AP4S1: variants seen among roughly 807,000 people sequenced by gnomAD.
AP4S1 encodes the protein adaptor related protein complex 4 subunit sigma 1, also known as AP-4 complex subunit sigma-1.
AP4S1 carries 23 observed loss-of-function variants against 19.8 expected under a neutral mutation model. The ratio of observed to expected loss-of-function variants is 1.16; its 90% CI spans 0.84 to 1.65. AP4S1 has a LOEUF of 1.65. Among genes scored for constraint, AP4S1 ranks in the 40% most tolerant of loss-of-function variants. The pLI is 0.00. For synonymous variants in AP4S1, 46 were observed against 54.1 expected (o/e 0.85, Z 0.66); for missense variants, 166 against 172.8 (o/e 0.96, Z 0.22).
intron 1 of AP4S1, among the ~76,000 whole-genome samples, chr14:31,046,673 G>A (rs997730213): frequency 2.6e-5 from 4 of 151,978 alleles, no homozygotes; most frequent in Admixed American, 6.6e-5. Flanking sequence ...GTGAAACCCC[G>A]TCGCTACTAA....
chr14:31,065,955 C>T (rs933368976), intron 1 of AP4S1, among the ~76,000 whole-genome samples, 171 bp from the exon 2 acceptor site: 10 of 152,254 alleles, frequency 6.6e-5, no homozygotes, highest in South Asian at 2.1e-4. Context: ...CCACCACACC[C>T]GGCCTGGTTT....
At chr14:31,072,778 C>T (rs1887084984) in intron 3 of AP4S1, 127 bp from the exon 4 acceptor site, 2 of 745,898 alleles carry the variant, frequency 2.7e-6, no homozygotes, top group South Asian at 3.0e-5. Flanking sequence ...TGGGAGGCTA[C>T]TTTCCTCACA....
At chr14:31,026,568 G>T (rs115757756) in intron 1 of AP4S1, 2,902 of 180,654 alleles carry the variant, frequency 0.016, 81 homozygotes, top group African/African-American at 0.064. Flanking sequence ...AACGCAGCCC[G>T]GGTCGCCGTT....
At chr14:31,034,344 ATTAT>A (rs1884590766) in intron 1 of AP4S1, among the ~76,000 whole-genome samples, 1 of 152,222 alleles carries the variant, frequency 6.6e-6, no homozygotes, top group Non-Finnish European at 1.5e-5. Flanking sequence ...AGACTGAAGA[ATTAT>A]TTATAGGCAT....
intron 5 of AP4S1, chr14:31,084,843 A>G (rs760944682): frequency 1.9e-6 from 3 of 1,614,238 alleles, no homozygotes; most frequent in South Asian, 2.2e-5. Flanking sequence ...CAGACAGTTC[A>G]TCATTCAAAG....
chr14:31,089,501 T>G (rs1055794558), intron 5 of AP4S1, among the ~76,000 whole-genome samples: 5 of 152,258 alleles, frequency 3.3e-5, no homozygotes, highest in African/African-American at 1.2e-4. Context: ...TGGAATTCCT[T>G]TTGAGGTTCC....
intron 5 of AP4S1, among the ~76,000 whole-genome samples, chr14:31,082,406 A>G (rs1038995726): frequency 1.1e-4 from 17 of 152,212 alleles, no homozygotes; most frequent in African/African-American, 4.1e-4. Flanking sequence ...TTCAAAATAA[A>G]TCTCTTCCTA....
At chr14:31,088,923 G>A (rs1470376404) in intron 5 of AP4S1, among the ~76,000 whole-genome samples, 2 of 151,672 alleles carry the variant, frequency 1.3e-5, no homozygotes, top group Admixed American at 1.3e-4. Context: ...TTGTGAGGCC[G>A]AGAAAGGCAA....
At chr14:31,083,566 G>A (rs979146376) in intron 5 of AP4S1, 34 of 443,366 alleles carry the variant, frequency 7.7e-5, no homozygotes, top group African/African-American at 7.2e-4. Context: ...GTGCAGAGGT[G>A]CGATCATGGC....
chr14:31,048,528 A>G (rs1160753806), intron 1 of AP4S1, among the ~76,000 whole-genome samples: 1 of 151,922 alleles, frequency 6.6e-6, no homozygotes, highest in Non-Finnish European at 1.5e-5. Context: ...GAAGTTAGAG[A>G]CCTGCCTGGA....
At chr14:31,049,429 AT>A (rs1240139993) in intron 1 of AP4S1, among the ~76,000 whole-genome samples, 4,628 of 35,534 alleles carry the variant, frequency 0.13, 311 homozygotes, top group African/African-American at 0.21. Context: ...AAAAAAAAAA[AT>A]ATATATATAT....
intron 1 of AP4S1, among the ~76,000 whole-genome samples, chr14:31,040,169 T>C (rs1021746824): frequency 8.3e-6 from 1 of 121,074 alleles, no homozygotes; most frequent in African/African-American, 3.2e-5. Context: ...TTTTTTTTCC[T>C]GAGACAGGGT....
intron 1 of AP4S1, among the ~76,000 whole-genome samples, chr14:31,031,464 A>G (rs1594621084): frequency 6.6e-6 from 1 of 152,194 alleles, no homozygotes; most frequent in Non-Finnish European, 1.5e-5. Context: ...ACTAATATGA[A>G]TATTTTTTCG....
intron 1 of AP4S1, among the ~76,000 whole-genome samples, chr14:31,054,116 C>A (rs557737062): frequency 6.6e-6 from 1 of 152,266 alleles, no homozygotes; most frequent in East Asian, 1.9e-4. Context: ...ATTGGATGCT[C>A]ACTGTATACT....
intron 1 of AP4S1, among the ~76,000 whole-genome samples, chr14:31,049,459 A>ATATATATATATATG (rs1487074529): frequency 8.1e-5 from 6 of 74,422 alleles, no homozygotes; most frequent in African/African-American, 2.9e-4. Context: ...ATATATATAT[A>ATATATATATATATG]TATGTATATA....
chr14:31,036,901 C>T (rs1884808477), intron 1 of AP4S1, among the ~76,000 whole-genome samples: 3 of 152,188 alleles, frequency 2.0e-5, no homozygotes, highest in Admixed American at 2.0e-4. Flanking sequence ...TAACCTCCAC[C>T]TCCCAGGTTC....
chr14:31,035,109 A>C (rs1358219311), intron 1 of AP4S1, among the ~76,000 whole-genome samples: 1 of 151,734 alleles, frequency 6.6e-6, no homozygotes, highest in Non-Finnish European at 1.5e-5. Context: ...TTCTCTAAGT[A>C]TCTTTAACAG....
At chr14:31,030,890 T>C (rs1364714294) in intron 1 of AP4S1, among the ~76,000 whole-genome samples, 1 of 152,234 alleles carries the variant, frequency 6.6e-6, no homozygotes, top group East Asian at 1.9e-4. Flanking sequence ...TCCAACGGAA[T>C]GTGACTACGT....
At chr14:31,074,951 C>G (rs1401259827) in intron 4 of AP4S1, among the ~76,000 whole-genome samples, 1 of 152,036 alleles carries the variant, frequency 6.6e-6, no homozygotes. Context: ...TAATTTGATA[C>G]ATTCATATAA....
Sources: gnomAD v4.1 joint callset for allele counts (sites outside exome capture counted in the v4.1 genomes callset) on GRCh38, gnomAD v4.1.1 for gene constraint, MANE v1.5 for transcripts, NCBI Gene and HGNC (gene_info 2026-07-23, HGNC 2026-07-21) for gene names.